IP6K2: variants seen among roughly 807,000 people sequenced by gnomAD.
IP6K2 encodes inositol hexakisphosphate kinase 2.
A neutral mutation model predicts 43.3 loss-of-function variants in IP6K2; 9 were observed. That is an observed-to-expected ratio of 0.21 (90% CI 0.13 to 0.36). The LOEUF (loss-of-function observed/expected upper bound fraction) is 0.36. IP6K2 is among the 10% of genes least tolerant of loss of function. IP6K2 has a pLI of 1.00. For synonymous variants in IP6K2, 209 were observed against 202.4 expected, an observed-to-expected ratio of 1.03 and a Z score of -0.28; for missense variants, 332 against 538.4, an observed-to-expected ratio of 0.62 and a Z score of 3.79.
chr3:48,689,496 A>T (rs1174405994), intron 5 of IP6K2, 42 bp downstream of exon 5: 8 of 1,576,924 alleles, frequency 5.1e-6, no homozygotes, highest in Non-Finnish European at 6.9e-6. Flanking sequence ...TGGGGAAGTG[A>T]CAGCCACTGG....
At position 48,693,841 on chromosome 3, in the gene IP6K2, T is replaced by C. The variant is rs2078008293; in HGVS notation, c.203-662A>G. On this transcript the variant is annotated intron_variant, in intron 2 of 5. Coordinates refer to ENST00000328631, the MANE Select transcript of IP6K2 (RefSeq NM_016291.4). ...AATAACAAAATGAACACAAGGCAGA[T>C]AGAGCTGGTTGGGGAGCACAGACAT... The C allele has an allele frequency of 7.0e-6, 8 of 1,141,294 alleles. No homozygotes were observed. The South Asian group carries it at 1.9e-4, about 27-fold the overall frequency. 70.7% of individuals were successfully genotyped at this position (1,141,294 alleles called of 1,614,324 possible). A position where few individuals can be genotyped will look rare whatever the true frequency, so the allele number is the denominator to read the frequency against.
intron 1 of IP6K2, among the ~76,000 whole-genome samples, chr3:48,713,514 A>C (rs913774022): frequency 1.3e-5 from 2 of 152,232 alleles, no homozygotes; most frequent in Admixed American, 6.5e-5. Flanking sequence ...CAAAAGCAAC[A>C]CTAGAGCCAG....
chr3:48,713,341 G>A (rs2080780418), intron 1 of IP6K2, among the ~76,000 whole-genome samples: 1 of 152,164 alleles, frequency 6.6e-6, no homozygotes, highest in Non-Finnish European at 1.5e-5. Context: ...CATAACAGGT[G>A]GGCTCTTCTA....
chr3:48,688,812 A>G lies in IP6K2; in HGVS notation c.781-39T>C. On this transcript the variant is annotated intron_variant, in intron 5 of 5. Coordinates refer to ENST00000328631, the MANE Select transcript of IP6K2 (RefSeq NM_016291.4). This position sits in a 1 kb window ranked among gnomAD's most constrained non-coding sequence, Gnocchi z 5.1. ...ACCAGCAAGTCAGGGGCTGAGGGCC[A>G]TCTCAAACCCTGGACCCCGGGCGGG... 1 of 1,565,038 alleles carries G rather than the reference A, an allele frequency of 6.4e-7. No individual in the cohort carries two copies. Among genetic ancestry groups the G allele is most frequent in the Admixed American group, 1.8e-5 (1 of 55,562 alleles).
chr3:48,694,487 C>T lies in IP6K2; in HGVS notation c.202+603G>A. On this transcript the variant is annotated intron_variant, in intron 2 of 5. Transcript: ENST00000328631. Reference sequence around the variant, plus strand: ...ATTTACAAAAGACTCCCCCACTCCCCAACAAAGACCCCACCATGCTGGTGG... The same window carrying T: ...ATTTACAAAAGACTCCCCCACTCCCTAACAAAGACCCCACCATGCTGGTGG... 2.6e-6 allele frequency: 4 copies of T among 1,547,204 alleles called. No homozygotes were observed. In the South Asian group the frequency reaches 4.8e-5, roughly 19 times the overall value.
At chr3:48,694,045 A>G (rs547027464) in intron 2 of IP6K2, 20 of 1,432,784 alleles carry the variant, frequency 1.4e-5, no homozygotes, top group Admixed American at 6.3e-5. Context: ...GCATCACTCA[A>G]TCTGCTCAGT....
chr3:48,689,277 C>T (rs2077573644), intron 5 of IP6K2, among the ~76,000 whole-genome samples: 1 of 152,162 alleles, frequency 6.6e-6, no homozygotes, highest in Non-Finnish European at 1.5e-5. Flanking sequence ...CTCAGCCTCC[C>T]AAGTAGCTGG....
chr3:48,696,566 T>C (rs1255008681), intron 1 of IP6K2, among the ~76,000 whole-genome samples: 1 of 150,376 alleles, frequency 6.6e-6, no homozygotes, highest in African/African-American at 2.5e-5. Flanking sequence ...ACGAAGCACA[T>C]TTTTGGATGC....
intron 2 of IP6K2, chr3:48,693,549 C>T (rs753780041): frequency 1.4e-4 from 163 of 1,201,618 alleles, no homozygotes; most frequent in Non-Finnish European, 9.1e-5. Flanking sequence ...TTTTAATGCC[C>T]TAAACAGAAA....
In IP6K2 at chr3:48,695,323, A is replaced by G; in HGVS notation, c.-32T>C. ...GGCGCAGATGGCGGGGAGATGGGGG[A>G]GGCAGCGGAGTCCAGCGGCCAGTAC... On this transcript the variant is annotated 5_prime_UTR_variant, in exon 2 of 6. Transcript: ENST00000328631. This position sits in a 1 kb window ranked among gnomAD's most constrained non-coding sequence, Gnocchi z 4.6. The G allele has an allele frequency of 6.3e-7, 1 of 1,592,788 alleles. No individual in the cohort carries two copies. The highest frequency in any genetic ancestry group is 8.6e-7 in the Non-Finnish European group (1 of 1,167,850).
intron 2 of IP6K2, chr3:48,693,981 A>ATC: frequency 7.2e-7 from 1 of 1,387,482 alleles, no homozygotes; most frequent in Non-Finnish European, 9.4e-7. Context: ...GGTGCCGACG[A>ATC]GCGCCTTACA....
intron 4 of IP6K2, among the ~76,000 whole-genome samples, chr3:48,690,224 T>C (rs1335553466): frequency 1.3e-5 from 2 of 152,210 alleles, no homozygotes; most frequent in Admixed American, 1.3e-4. Flanking sequence ...CATTGACTCA[T>C]TATTTCCCAT....
chr3:48,693,064 TG>T lies in IP6K2; in HGVS notation c.317del (p.Pro106GlnfsTer6). On this transcript the variant is annotated frameshift_variant, in exon 3 of 6. Coordinates refer to ENST00000328631, the MANE Select transcript of IP6K2 (RefSeq NM_016291.4). LOFTEE classifies it high-confidence loss of function. ...TTGTCCACCTTAGGAGCTTACTTTTTGGTTCACAGTCTGAATTATCTACAAT... is the reference window on the plus strand; with the variant it reads ...TTGTCCACCTTAGGAGCTTACTTTTTGTTCACAGTCTGAATTATCTACAAT... ...VDIVDNSDCE[P>X]KSKLLRWTTN... 6.2e-7 allele frequency: 1 copy of T among 1,614,246 alleles called. No individual in the cohort carries two copies. The highest frequency in any genetic ancestry group is 8.5e-7 in the Non-Finnish European group (1 of 1,180,036).
At chr3:48,715,347 C>T (rs1375336996) in intron 1 of IP6K2, 4 of 1,536,194 alleles carry the variant, frequency 2.6e-6, no homozygotes, top group South Asian at 2.4e-5. Flanking sequence ...GGTTCAGGCT[C>T]ATCCCTGTTG....
At chr3:48,709,664 C>G (rs2080249168) in intron 1 of IP6K2, among the ~76,000 whole-genome samples, 1 of 152,006 alleles carries the variant, frequency 6.6e-6, no homozygotes, top group Non-Finnish European at 1.5e-5. Context: ...TGGTGAAACC[C>G]CGTCTCTACT....
intron 4 of IP6K2, among the ~76,000 whole-genome samples, chr3:48,691,087 A>G (rs2077744259): frequency 6.6e-6 from 1 of 152,074 alleles, no homozygotes; most frequent in Non-Finnish European, 1.5e-5. Context: ...CCAGAAACCC[A>G]TTATACCCCA....
At chr3:48,691,204 C>T in intron 4 of IP6K2, 103 bp downstream of exon 4, 1 of 938,984 alleles carries the variant, frequency 1.1e-6, no homozygotes, top group Admixed American at 2.3e-5. Flanking sequence ...AGAAACTCAA[C>T]CATGACTATA....
At chr3:48,690,207 C>T (rs1208125360) in intron 4 of IP6K2, among the ~76,000 whole-genome samples, 2 of 152,222 alleles carry the variant, frequency 1.3e-5, no homozygotes, top group Non-Finnish European at 2.9e-5. Context: ...GTCTCTGGTG[C>T]ACAGACCATT....
intron 1 of IP6K2, among the ~76,000 whole-genome samples, chr3:48,713,272 C>G (rs1448433854): frequency 6.6e-6 from 1 of 152,222 alleles, no homozygotes; most frequent in Non-Finnish European, 1.5e-5. Context: ...GTTACGAAGG[C>G]CTGTTGGCCC....
Sources: allele counts gnomAD v4.1 joint callset (sites outside exome capture counted in the v4.1 genomes callset), GRCh38; gene constraint gnomAD v4.1.1; non-coding constraint Gnocchi (gnomAD v3.1); transcripts MANE v1.5; gene names NCBI Gene and HGNC (gene_info 2026-07-23, HGNC 2026-07-21).